ODAD2: variants seen among roughly 807,000 people sequenced by gnomAD.
ODAD2 encodes outer dynein arm docking complex subunit 2.
Under a neutral mutation model 106.8 loss-of-function variants are expected in ODAD2, and 89 were observed. The ratio of observed to expected loss-of-function variants is 0.83; its 90% CI spans 0.70 to 0.99. The LOEUF (loss-of-function observed/expected upper bound fraction) is 0.99, where lower values mean the gene tolerates loss of function less well. Ranked by LOEUF, ODAD2 falls within the 50% of genes least tolerant of loss-of-function variation. The pLI is 0.00. For synonymous variants in ODAD2, 404 were observed against 436.2 expected (o/e 0.93, Z 0.92); for missense variants, 1,168 against 1,238.5 (o/e 0.94, Z 0.85).
intron 19 of ODAD2, among the ~76,000 whole-genome samples, chr10:27,847,780 GACAA>G (rs1277296507): frequency 2.0e-5 from 3 of 151,972 alleles, no homozygotes; most frequent in Non-Finnish European, 2.9e-5. Context: ...ACCAATAACA[GACAA>G]ACAGAGAGCC....
chr10:27,903,992 C>T (rs1170192467), intron 17 of ODAD2, among the ~76,000 whole-genome samples: 3 of 152,176 alleles, frequency 2.0e-5, no homozygotes. Context: ...TCTATGTTTT[C>T]TCCAAATAAG....
chr10:27,901,301 C>A (rs1843180867), intron 17 of ODAD2, among the ~76,000 whole-genome samples: 1 of 152,160 alleles, frequency 6.6e-6, no homozygotes, highest in Non-Finnish European at 1.5e-5. Flanking sequence ...CTTATGAGAG[C>A]TCCTGAAGGA....
chr10:27,876,061 G>C (rs539687853), intron 17 of ODAD2, among the ~76,000 whole-genome samples: 1 of 152,172 alleles, frequency 6.6e-6, no homozygotes, highest in South Asian at 2.1e-4. Flanking sequence ...CTCGAACTGC[G>C]TGGAGCCCAC....
At chr10:27,981,645 A>G (rs1255323991) in intron 6 of ODAD2, 63 bp from the exon 7 acceptor site, 13 of 1,133,636 alleles carry the variant, frequency 1.1e-5, no homozygotes, top group East Asian at 2.8e-5. Flanking sequence ...AAGCTGATCA[A>G]TACATCACAA....
At chr10:27,821,669 CTT>C (rs1170898636) in intron 19 of ODAD2, among the ~76,000 whole-genome samples, 7 of 152,298 alleles carry the variant, frequency 4.6e-5, no homozygotes, top group Non-Finnish European at 1.0e-4. Flanking sequence ...TTTCTAATCT[CTT>C]TGTCATAATT....
At chr10:27,983,491 G>A (rs1849684749) in intron 6 of ODAD2, among the ~76,000 whole-genome samples, 1 of 152,224 alleles carries the variant, frequency 6.6e-6, no homozygotes, top group African/African-American at 2.4e-5. Flanking sequence ...TAGGATGCAA[G>A]CTGCAGTTAT....
chr10:27,912,883 C>T (rs1310572252), intron 16 of ODAD2, among the ~76,000 whole-genome samples: 4 of 152,120 alleles, frequency 2.6e-5, no homozygotes, highest in Non-Finnish European at 4.4e-5. Context: ...GAGAATTTTA[C>T]CTTTAAAAAA....
chr10:27,820,570 AG>A (rs1342758401), intron 19 of ODAD2, among the ~76,000 whole-genome samples: 2 of 152,048 alleles, frequency 1.3e-5, no homozygotes, highest in Admixed American at 1.3e-4. Flanking sequence ...TAATCTAAGC[AG>A]GTACCCTTTT....
At chr10:27,854,614 G>A (rs1333157865) in intron 19 of ODAD2, among the ~76,000 whole-genome samples, 5 of 152,022 alleles carry the variant, frequency 3.3e-5, no homozygotes, top group Admixed American at 1.3e-4. Context: ...AAATTAGCCC[G>A]GTGTGGTGGT....
At chr10:27,831,106 C>G (rs1317715165) in intron 19 of ODAD2, among the ~76,000 whole-genome samples, 2 of 152,134 alleles carry the variant, frequency 1.3e-5, no homozygotes, top group African/African-American at 4.8e-5. Context: ...GCCAACGGCC[C>G]AGGAGACAGT....
intron 10 of ODAD2, among the ~76,000 whole-genome samples, chr10:27,946,239 T>C (rs1846915328): frequency 6.7e-6 from 1 of 149,160 alleles, no homozygotes. Context: ...TAAAAATGTA[T>C]ATTTCTATAT....
At chr10:27,827,384 T>C (rs1369379238) in intron 19 of ODAD2, among the ~76,000 whole-genome samples, 5 of 11,120 alleles carry the variant, frequency 4.5e-4, no homozygotes, top group Admixed American at 2.4e-3. Context: ...ACACACTATA[T>C]ATATATATAT....
At position 27,907,719 on chromosome 10, in the gene ODAD2, G is replaced by T. The variant is rs1484451921; in HGVS notation, c.2554C>A (p.Pro852Thr). Reference protein sequence around the residue: ...LLWSLLKNPHPDVKASAAWAL... With the variant: ...LLWSLLKNPHTDVKASAAWAL... The stretch of plus-strand genomic sequence containing the variant: ...CATGCTGCGCTGGCCTTCACGTCTG[G>T]GTGAGGATTTTTCAGCAGGGACCAC... Residue 852 changes from proline (P) to threonine (T), a missense_variant, in exon 17 of 20, where the codon CCA becomes ACA. Physicochemically the swap from Pro to Thr is conservative, Grantham distance 38. Transcript: ENST00000305242. 3.7e-6 allele frequency: 6 copies of T among 1,613,830 alleles called. No individual in the cohort carries two copies. Among genetic ancestry groups the T allele is most frequent in the Non-Finnish European group, 5.1e-6 (6 of 1,179,872 alleles).
intron 17 of ODAD2, among the ~76,000 whole-genome samples, chr10:27,900,005 GT>G (rs1843089523): frequency 3.9e-5 from 6 of 152,160 alleles, no homozygotes; most frequent in Non-Finnish European, 8.8e-5. Context: ...TCTGACCCCA[GT>G]GCCTCCTGAC....
Position 27,833,329 on chromosome 10 carries a change from C to T in ODAD2, c.3022-20704G>A, listed in dbSNP as rs115231699. 4.9e-3 allele frequency among the ~76,000 whole-genome samples: 741 copies of T among 152,016 alleles called. 8 individuals carry two copies. The highest frequency in any genetic ancestry group is 0.016 in the African/African-American group (682 of 41,452). ...TTAGCACCCGGCAATAGTCGTACTTCGCAATGATTGCCTGTATTTATCACC... is the reference window on the plus strand; with the variant it reads ...TTAGCACCCGGCAATAGTCGTACTTTGCAATGATTGCCTGTATTTATCACC... On this transcript the variant is annotated intron_variant, in intron 19 of 19. Coordinates refer to ENST00000305242, the MANE Select transcript of ODAD2 (RefSeq NM_018076.5).
chr10:27,865,242 G>A (rs903476668), intron 17 of ODAD2, among the ~76,000 whole-genome samples: 34 of 152,114 alleles, frequency 2.2e-4, no homozygotes, highest in African/African-American at 7.0e-4. Flanking sequence ...TAAGAACCCT[G>A]GCACTCATTC....
intron 19 of ODAD2, among the ~76,000 whole-genome samples, chr10:27,834,590 G>C (rs1198219951): frequency 6.6e-6 from 1 of 152,148 alleles, no homozygotes; most frequent in East Asian, 1.9e-4. Context: ...AAGGATGGTG[G>C]GGGCAAGGAG....
intron 17 of ODAD2, among the ~76,000 whole-genome samples, chr10:27,867,346 G>T (rs1840516477): frequency 6.6e-6 from 1 of 152,150 alleles, no homozygotes; most frequent in South Asian, 2.1e-4. Context: ...AAAGTCTGAT[G>T]GTGCTGGGGT....
chr10:27,862,239 A>C (rs900130511), intron 18 of ODAD2, among the ~76,000 whole-genome samples, 195 bp downstream of exon 18: 4 of 152,206 alleles, frequency 2.6e-5, no homozygotes, highest in Admixed American at 6.5e-5. Flanking sequence ...TAATACTAAC[A>C]TTTTATAGTT....
Sources: allele counts gnomAD v4.1 joint callset (sites outside exome capture counted in the v4.1 genomes callset), GRCh38; gene constraint gnomAD v4.1.1; transcripts MANE v1.5; gene names NCBI Gene and HGNC (gene_info 2026-07-23, HGNC 2026-07-21).